TBCK: variants seen among roughly 807,000 people sequenced by gnomAD.
TBCK encodes TBC1 domain containing kinase, also known as TBC domain-containing protein kinase-like protein.
A neutral mutation model predicts 113.4 loss-of-function variants in TBCK; 99 were observed. The ratio of observed to expected loss-of-function variants is 0.87; its 90% CI spans 0.74 to 1.03. The LOEUF is 1.03. TBCK is among the 50% of genes least tolerant of loss of function. The pLI, the probability that TBCK is intolerant of heterozygous loss-of-function variation, is 0.00. For synonymous variants in TBCK, 369 were observed against 370.8 expected (o/e 1.00, Z 0.05); for missense variants, 1,045 against 1,061.3 (o/e 0.98, Z 0.21).
At chr4:106,124,296 A>G (rs1270076822) in intron 23 of TBCK, among the ~76,000 whole-genome samples, 2 of 152,184 alleles carry the variant, frequency 1.3e-5, no homozygotes, top group Non-Finnish European at 2.9e-5. Context: ...CAAAACCACA[A>G]TGAGATACCA....
At chr4:106,258,965 C>G (rs1762254112) in intron 5 of TBCK, among the ~76,000 whole-genome samples, 1 of 151,804 alleles carries the variant, frequency 6.6e-6, no homozygotes, top group Admixed American at 6.6e-5. Context: ...TGTAAGTTTT[C>G]AATACACAAA....
At chr4:106,144,511 C>G (rs1052967779) in intron 23 of TBCK, among the ~76,000 whole-genome samples, 2 of 152,102 alleles carry the variant, frequency 1.3e-5, no homozygotes, top group Non-Finnish European at 1.5e-5. Context: ...TTGCAAAGCC[C>G]TTCACAAGCT....
intron 23 of TBCK, among the ~76,000 whole-genome samples, chr4:106,148,475 C>T (rs1748095654): frequency 6.6e-6 from 1 of 152,208 alleles, no homozygotes; most frequent in South Asian, 2.1e-4. Context: ...ACATGACTAT[C>T]AGGGCAGGTT....
chr4:106,146,215 T>C (rs898350586), intron 23 of TBCK, among the ~76,000 whole-genome samples: 1 of 151,950 alleles, frequency 6.6e-6, no homozygotes, highest in East Asian at 1.9e-4. Context: ...TACATATACA[T>C]ATACATATAC....
rs182128224 is a variant in TBCK, at chr4:106,070,829, T to C, written c.2572-24149A>G. ...ATTGCCTCAATTTCAGAGCCTGTTATTGGTCTGTTCAGGGATTCAAGTTCT... is the reference window on the plus strand; with the variant it reads ...ATTGCCTCAATTTCAGAGCCTGTTACTGGTCTGTTCAGGGATTCAAGTTCT... On this transcript the variant is annotated intron_variant, in intron 25 of 25. Transcript: ENST00000394708. 8.5e-5 allele frequency among the ~76,000 whole-genome samples: 13 copies of C among 152,322 alleles called. No individual in the cohort carries two copies. In the East Asian group the frequency reaches 2.5e-3, roughly 29 times the overall value.
At chr4:106,305,625 A>T (rs1767438855) in intron 2 of TBCK, among the ~76,000 whole-genome samples, 1 of 152,090 alleles carries the variant, frequency 6.6e-6, no homozygotes, top group Admixed American at 6.6e-5. Flanking sequence ...CTCCATCTTG[A>T]ATAGGGGCTG....
chr4:106,270,610 A>G (rs540860134), intron 3 of TBCK, among the ~76,000 whole-genome samples: 2 of 152,280 alleles, frequency 1.3e-5, no homozygotes, highest in East Asian at 3.9e-4. Flanking sequence ...AAAAAAGAGA[A>G]ACAAATTTCT....
chr4:106,225,155 CTGTT>C (rs1560858770), intron 19 of TBCK, among the ~76,000 whole-genome samples: 1 of 152,090 alleles, frequency 6.6e-6, no homozygotes, highest in East Asian at 1.9e-4. Flanking sequence ...TTAATTGAAA[CTGTT>C]TTTTTTCTTA....
intron 25 of TBCK, among the ~76,000 whole-genome samples, chr4:106,051,092 G>A (rs1578750612): frequency 1.3e-5 from 2 of 151,984 alleles, no homozygotes; most frequent in South Asian, 4.2e-4. Context: ...TGAAGAAAAG[G>A]GATTTTTAAG....
At chr4:106,070,676 T>C (rs181010261) in intron 25 of TBCK, among the ~76,000 whole-genome samples, 2 of 152,062 alleles carry the variant, frequency 1.3e-5, no homozygotes, top group African/African-American at 4.8e-5. Flanking sequence ...TTAGGGAGGA[T>C]TCCCCCTTTT....
chr4:106,238,265 A>G (rs1184390339), intron 12 of TBCK, among the ~76,000 whole-genome samples: 1 of 152,098 alleles, frequency 6.6e-6, no homozygotes, highest in Non-Finnish European at 1.5e-5. Flanking sequence ...TTATAAATTC[A>G]GAGTACTGAG....
chr4:106,193,684 T>C lies in TBCK; in HGVS notation c.1984A>G (p.Ile662Val), dbSNP rs747189857. 3.7e-6 allele frequency: 6 copies of C among 1,613,396 alleles called. No individual in the cohort carries two copies. The South Asian group carries it at 6.6e-5, about 18-fold the overall frequency. Reference protein sequence around the residue: ...SSFPFCIGVAILQQLRDRLLA... With the variant: ...SSFPFCIGVAVLQQLRDRLLA... ...AGCCGGTCCCGCAGCTGCTGAAGAA[T>C]TGCTACTCCAATACAGAATGGGAAA... Residue 662 changes from isoleucine to valine, a missense_variant, in exon 22 of 26, where the codon ATT becomes GTT. Coordinates refer to ENST00000394708, the MANE Select transcript of TBCK (RefSeq NM_001163435.3).
Position 106,160,878 on chromosome 4 carries a change from T to C in TBCK, c.2235+10217A>G, listed in dbSNP as rs191700811. On this transcript the variant is annotated intron_variant, in intron 23 of 25. Coordinates refer to ENST00000394708, the MANE Select transcript of TBCK (RefSeq NM_001163435.3). ...TGGGAGTAACCCAAGTGTCTACTGA[T>C]GAATGAATGGATAAACAAAATGTGG... 3.0e-3 allele frequency among the ~76,000 whole-genome samples: 456 copies of C among 152,080 alleles called. 1 individual carries two copies. Among genetic ancestry groups the C allele is most frequent in the Non-Finnish European group, 4.5e-3 (306 of 67,944 alleles).
chr4:106,199,520 T>C (rs10016884), intron 20 of TBCK, among the ~76,000 whole-genome samples: 112,860 of 151,918 alleles, frequency 0.74, 42,249 homozygotes, highest in Middle Eastern at 0.8. Flanking sequence ...CCTAAACCTC[T>C]CCTACAAATT....
At chr4:106,309,787 C>T (rs1438447146) in intron 1 of TBCK, 2 of 152,062 alleles carry the variant, frequency 1.3e-5, no homozygotes, top group Non-Finnish European at 2.9e-5. Flanking sequence ...ATTAAATAAC[C>T]AATTTTCATT....
chr4:106,167,992 C>T (rs911155527), intron 23 of TBCK, among the ~76,000 whole-genome samples: 1 of 151,724 alleles, frequency 6.6e-6, no homozygotes, highest in Non-Finnish European at 1.5e-5. Context: ...CGAATATGTC[C>T]TAACTCATTC....
At chr4:106,135,421 C>CCAAATAATCTATAATTCAGA (rs1337787999) in intron 23 of TBCK, among the ~76,000 whole-genome samples, 4 of 143,818 alleles carry the variant, frequency 2.8e-5, no homozygotes, top group East Asian at 2.0e-4. Context: ...GTCAGTCTGG[C>CCAAATAATCTATAATTCAGA]TCTGGAGAAT....
chr4:106,268,730 G>C (rs1763213686), intron 3 of TBCK, among the ~76,000 whole-genome samples: 1 of 152,046 alleles, frequency 6.6e-6, no homozygotes, highest in Non-Finnish European at 1.5e-5. Flanking sequence ...CTGTAAATTA[G>C]ACTAAATTGT....
At chr4:106,184,113 C>A (rs1251863154) in intron 22 of TBCK, among the ~76,000 whole-genome samples, 1 of 152,002 alleles carries the variant, frequency 6.6e-6, no homozygotes, top group African/African-American at 2.4e-5. Flanking sequence ...CAAGTAAGAT[C>A]TTGAAATTAT....
Sources: allele counts gnomAD v4.1 joint callset (sites outside exome capture counted in the v4.1 genomes callset), GRCh38; gene constraint gnomAD v4.1.1; transcripts MANE v1.5; gene names NCBI Gene and HGNC (gene_info 2026-07-23, HGNC 2026-07-21).